The following COLEC11 variants were observed in gnomAD, a reference collection of about 807,000 sequenced individuals.
COLEC11 encodes collectin subfamily member 11, also known as collectin-11.
A neutral mutation model predicts 27.3 loss-of-function variants in COLEC11; 20 were observed. The ratio of observed to expected loss-of-function variants is 0.73; its 90% CI spans 0.51 to 1.06. The LOEUF (loss-of-function observed/expected upper bound fraction) is 1.06. COLEC11 is among the 50% of genes least tolerant of loss of function. The pLI, the probability that COLEC11 is intolerant of heterozygous loss-of-function variation, is 0.00. For synonymous variants in COLEC11, 163 were observed against 154.7 expected (o/e 1.05, Z -0.40); for missense variants, 310 against 383.0 (o/e 0.81, Z 1.59).
In COLEC11 at chr2:3,637,605, G is replaced by GGACC. The variant is rs1470999800; in HGVS notation, c.274+1_274+2insGACC. ...AAAATTGGTCCCATTGGCTCTAAAG[G>GGACC]TATTTGCAATGCGATTCTTGCCTCA... On this transcript the variant is annotated splice_donor_variant, in intron 4 of 6. Transcript: ENST00000349077. LOFTEE classifies it high-confidence loss of function. The GGACC allele has an allele frequency of 1.2e-6, 2 of 1,613,236 alleles. No homozygotes were observed. The highest frequency in any genetic ancestry group is 2.2e-5 in the South Asian group (2 of 91,054).
intron 3 of COLEC11, among the ~76,000 whole-genome samples, chr2:3,636,866 C>G (rs1665451511): frequency 6.6e-6 from 1 of 152,150 alleles, no homozygotes; most frequent in Admixed American, 6.5e-5. Context: ...TGGTGTCCCT[C>G]TTGCTATGAA....
intron 3 of COLEC11, among the ~76,000 whole-genome samples, chr2:3,626,491 A>G (rs115399217): frequency 9.2e-4 from 140 of 152,266 alleles, no homozygotes; most frequent in African/African-American, 3.0e-3. Flanking sequence ...TAGACGCACA[A>G]TGTCTTGGAT....
chr2:3,626,171 GC>G, intron 3 of COLEC11: 1 of 1,172,916 alleles, frequency 8.5e-7, no homozygotes, highest in Non-Finnish European at 1.3e-6. Context: ...TCTTCCCATG[GC>G]CACATGGCTT....
intron 4 of COLEC11, among the ~76,000 whole-genome samples, chr2:3,638,802 A>G (rs1665635002): frequency 6.6e-6 from 1 of 152,208 alleles, no homozygotes; most frequent in Non-Finnish European, 1.5e-5. Context: ...AACCCAAATA[A>G]CATCATGGTA....
chr2:3,598,500 C>T lies in COLEC11; in HGVS notation c.-27+3332C>T, dbSNP rs149883622. Among the ~76,000 whole-genome samples, 5 of 152,364 alleles carry T rather than the reference C, an allele frequency of 3.3e-5. No individual in the cohort carries two copies. The East Asian group carries it at 9.6e-4, about 29-fold the overall frequency. On this transcript the variant is annotated intron_variant, in intron 1 of 6. Transcript: ENST00000349077. ...TGCAGGCTTCTGCGTGCCCAGAGAC[C>T]TTTACGAAGCTGTAGCTTGCACAGA...
chr2:3,605,951 C>T (rs1558488934), intron 2 of COLEC11: 4 of 1,042,292 alleles, frequency 3.8e-6, no homozygotes, highest in Non-Finnish European at 5.5e-6. Context: ...CCAGACAAGC[C>T]CAGTGGCCTT....
At chr2:3,643,006 T>C (rs1217612020) in intron 5 of COLEC11, among the ~76,000 whole-genome samples, 3 of 152,210 alleles carry the variant, frequency 2.0e-5, no homozygotes, top group Admixed American at 6.5e-5. Context: ...CCACCACCTC[T>C]TCCATTCCTG....
chr2:3,599,453 C>G (rs950157510), intron 1 of COLEC11, among the ~76,000 whole-genome samples: 2 of 152,232 alleles, frequency 1.3e-5, no homozygotes, highest in Non-Finnish European at 2.9e-5. Flanking sequence ...AGCCCTTTCC[C>G]TGGACTGGGA....
chr2:3,627,405 C>T (rs764664653), intron 3 of COLEC11, among the ~76,000 whole-genome samples: 4 of 143,928 alleles, frequency 2.8e-5, no homozygotes, highest in South Asian at 2.2e-4. Context: ...ACGCTGGGCA[C>T]GACGATGGGC....
At chr2:3,603,879 G>A (rs1572387947) in intron 1 of COLEC11, 2 of 594,790 alleles carry the variant, frequency 3.4e-6, no homozygotes, top group Non-Finnish European at 3.0e-6. Flanking sequence ...CTAAGCTTGG[G>A]GCTCCTCAGG....
In COLEC11 at chr2:3,643,977, C is replaced by T; in HGVS notation, c.675C>T (p.Phe225=). ...VYSDHSPMRT[F]NKWRSGEPNN... is the part of the protein sequence containing the mutation. ...CTGACCACTCCCCCATGCGGACCTT[C>T]AACAAGTGGCGCAGCGGTGAGCCCA... is the stretch of plus-strand genomic sequence containing the variant. Residue 225 remains phenylalanine (F), a synonymous_variant, in exon 7 of 7, where the codon TTC becomes TTT. Transcript: ENST00000349077. 6.2e-7 allele frequency: 1 copy of T among 1,614,184 alleles called. No individual in the cohort carries two copies. Among genetic ancestry groups the T allele is most frequent in the Non-Finnish European group, 8.5e-7 (1 of 1,180,060 alleles).
chr2:3,640,225 A>G (rs1572476454), intron 4 of COLEC11, 53 bp from the exon 5 acceptor site: 2 of 1,072,978 alleles, frequency 1.9e-6, no homozygotes, highest in South Asian at 2.5e-5. Context: ...TTTTTAACAC[A>G]TAGAACATGT....
At chr2:3,618,999 C>T (rs991503202) in intron 3 of COLEC11, among the ~76,000 whole-genome samples, 6 of 152,014 alleles carry the variant, frequency 3.9e-5, no homozygotes, top group South Asian at 2.1e-4. Flanking sequence ...TGCTGATTTT[C>T]GTGTGTTGAT....
intron 3 of COLEC11, among the ~76,000 whole-genome samples, chr2:3,618,201 T>C (rs1360415788): frequency 6.6e-6 from 1 of 152,240 alleles, no homozygotes; most frequent in African/African-American, 2.4e-5. Flanking sequence ...TTGGATAGGT[T>C]AGTACCACTT....
chr2:3,644,476 T>G lies in COLEC11; in HGVS notation c.*358T>G. ...AGTCCAAATAGTGGCAATGGGGTCT[T>G]GAATTACTACCTTTTAATTTCTATA... On this transcript the variant is annotated 3_prime_UTR_variant, in exon 7 of 7. Coordinates refer to ENST00000349077, the MANE Select transcript of COLEC11 (RefSeq NM_024027.5). 1 of 496,916 alleles carries G rather than the reference T, an allele frequency of 2.0e-6. No individual in the cohort carries two copies. Among genetic ancestry groups the G allele is most frequent in the South Asian group, 1.5e-5 (1 of 64,838 alleles). The allele number at this position is 496,916 out of a possible 1,614,324, so 30.8% of individuals were successfully genotyped here.
At chr2:3,619,810 G>A (rs1323022448) in intron 3 of COLEC11, among the ~76,000 whole-genome samples, 1 of 152,134 alleles carries the variant, frequency 6.6e-6, no homozygotes, top group African/African-American at 2.4e-5. Context: ...ATTTTTAGTA[G>A]AGATGAGGTT....
At position 3,602,973 on chromosome 2, in the gene COLEC11, A is replaced by T. The variant is rs1464118522; in HGVS notation, c.-26-1342A>T. On this transcript the variant is annotated intron_variant, in intron 1 of 6. Coordinates refer to ENST00000349077, the MANE Select transcript of COLEC11 (RefSeq NM_024027.5). This position sits in a 1 kb window ranked among gnomAD's most constrained non-coding sequence, Gnocchi z 6.2. Reference sequence around the variant, plus strand: ...TCTTCCAATAGGAATAAAAACATAAATGTTCTTGCTCTACTCCTGGTGCCT... The same window carrying T: ...TCTTCCAATAGGAATAAAAACATAATTGTTCTTGCTCTACTCCTGGTGCCT... 6.6e-6 allele frequency among the ~76,000 whole-genome samples: 1 copy of T among 152,176 alleles called. No individual in the cohort carries two copies. The highest frequency in any genetic ancestry group is 1.5e-5 in the Non-Finnish European group (1 of 68,030).
chr2:3,640,162 A>G (rs1665742103), intron 4 of COLEC11, 116 bp from the exon 5 acceptor site: 13 of 735,772 alleles, frequency 1.8e-5, no homozygotes, highest in Non-Finnish European at 3.2e-5. Flanking sequence ...CTTTGTAGCA[A>G]CAAGAGGGCC....
At chr2:3,623,046 G>A (rs1303706332) in intron 3 of COLEC11, among the ~76,000 whole-genome samples, 1 of 152,062 alleles carries the variant, frequency 6.6e-6, no homozygotes, top group African/African-American at 2.4e-5. Context: ...ATTTTTGAAG[G>A]ATGGCTTTGT....
Sources: gnomAD v4.1 joint callset for allele counts (sites outside exome capture counted in the v4.1 genomes callset) on GRCh38, gnomAD v4.1.1 for gene constraint, Gnocchi (gnomAD v3.1) non-coding constraint, MANE v1.5 for transcripts, NCBI Gene and HGNC (gene_info 2026-07-23, HGNC 2026-07-21) for gene names.